The following CPM variants were observed in gnomAD, a reference collection of about 807,000 sequenced individuals.
CPM encodes the protein carboxypeptidase M.
Under a neutral mutation model 46.4 loss-of-function variants are expected in CPM, and 35 were observed. The observed-to-expected ratio is 0.75, with a 90% CI of 0.58 to 1.00. The LOEUF is 1.00. Among genes scored for constraint, CPM ranks in the 50% least tolerant of loss-of-function variants. The pLI, the probability that CPM is intolerant of heterozygous loss-of-function variation, is 0.00. For missense variants in CPM, 422 were observed against 530.4 expected (o/e 0.80, Z 2.01); for synonymous variants, 195 against 195.3 (o/e 1.00, Z 0.01).
chr12:68,869,221 T>C (rs2136229342), intron 6 of CPM, 104 bp downstream of exon 6: 2 of 940,274 alleles, frequency 2.1e-6, no homozygotes, highest in Non-Finnish European at 3.2e-6. Flanking sequence ...GTGAAGGGCC[T>C]ATTGTGCCTA....
At chr12:68,867,674 G>C (rs1426744269) in intron 6 of CPM, among the ~76,000 whole-genome samples, 1 of 152,208 alleles carries the variant, frequency 6.6e-6, no homozygotes, top group Admixed American at 6.5e-5. Flanking sequence ...CCTTCCGCCA[G>C]CACCTGTGGG....
At chr12:68,948,935 A>T (rs1320347483) in intron 1 of CPM, among the ~76,000 whole-genome samples, 1 of 152,186 alleles carries the variant, frequency 6.6e-6, no homozygotes, top group Non-Finnish European at 1.5e-5. Flanking sequence ...AAGTACTCAT[A>T]ACTTGGTGCC....
rs1364968528 is a variant in CPM, at chr12:68,941,203, G to GTGTGTA, written c.-3-8364_-3-8363insTACACA. 9.4e-5 allele frequency among the ~76,000 whole-genome samples: 14 copies of GTGTGTA among 149,544 alleles called. No individual in the cohort carries two copies. The East Asian group carries it at 9.8e-4, about 10-fold the overall frequency. On this transcript the variant is annotated intron_variant, in intron 1 of 8. Transcript: ENST00000546373. ...TGTGTGTGTGTGTGTGTGTGTGTGT[G>GTGTGTA]TATATAAAGCTAACACATCAGCTGA...
At chr12:68,943,049 G>A (rs1888789529) in intron 1 of CPM, among the ~76,000 whole-genome samples, 1 of 152,170 alleles carries the variant, frequency 6.6e-6, no homozygotes, top group African/African-American at 2.4e-5. Flanking sequence ...CTCAGTGCAT[G>A]CTTGCTGATT....
chr12:68,865,638 A>T (rs1885407993), intron 7 of CPM, among the ~76,000 whole-genome samples: 2 of 147,396 alleles, frequency 1.4e-5, no homozygotes, highest in African/African-American at 5.0e-5. Context: ...ACACACTCAC[A>T]CTCTCTCTCT....
Position 68,898,018 on chromosome 12 carries a change from A to ATT in CPM, c.161-12131_161-12130dup, listed in dbSNP as rs34852745. On this transcript the variant is annotated intron_variant, in intron 2 of 8. Transcript: ENST00000551568. ...ACCACTACGCCTGGCTAATTTGTGT[A>ATT]TTTTTTTTTTTTTTTTGTAGAGATG... 4.2e-3 allele frequency among the ~76,000 whole-genome samples: 560 copies of ATT among 134,098 alleles called. 6 individuals are homozygous for ATT. The highest frequency in any genetic ancestry group is 0.015 in the African/African-American group (532 of 36,208). 88.0% of individuals were successfully genotyped at this position (134,098 alleles called of 152,430 possible).
At chr12:68,942,470 A>T (rs1888780231) in intron 1 of CPM, among the ~76,000 whole-genome samples, 1 of 152,222 alleles carries the variant, frequency 6.6e-6, no homozygotes. Context: ...CCGTTATCAC[A>T]CTATTGTCCC....
rs1884965009 is a variant in CPM, at chr12:68,856,283, A to T, written c.*154T>A. On this transcript the variant is annotated 3_prime_UTR_variant, in exon 9 of 9. Coordinates refer to ENST00000551568, the MANE Select transcript of CPM (RefSeq NM_198320.5). The stretch of plus-strand genomic sequence containing the variant: ...TTTTCATTATCACCACATATTGCTT[A>T]TTGTGGAATTTGGAAACATCCATTT... The T allele has an allele frequency of 3.7e-6, 3 of 821,266 alleles. No homozygotes were observed. The highest frequency in any genetic ancestry group is 2.6e-5 in the Admixed American group (1 of 38,770). 50.9% of individuals were successfully genotyped at this position (821,266 alleles called of 1,614,324 possible).
chr12:68,919,706 G>T (rs1263566634), intron 2 of CPM, among the ~76,000 whole-genome samples: 1 of 152,126 alleles, frequency 6.6e-6, no homozygotes, highest in Non-Finnish European at 1.5e-5. Flanking sequence ...TTATCTTTCT[G>T]TTTCTTCATA....
intron 5 of CPM, chr12:68,842,552 T>G (rs1298308828): frequency 2.9e-6 from 1 of 349,858 alleles, no homozygotes; most frequent in Non-Finnish European, 5.6e-6. Flanking sequence ...TATGGATGTT[T>G]GATCGCATCT....
intron 5 of CPM, chr12:68,844,758 G>T (rs961939630): frequency 1.4e-4 from 30 of 207,532 alleles, no homozygotes; most frequent in Non-Finnish European, 2.8e-4. Context: ...CTTAATAAGG[G>T]TTTTATTTTA....
At chr12:68,844,485 A>T in intron 5 of CPM, 2 of 228,208 alleles carry the variant, frequency 8.8e-6, no homozygotes, top group Non-Finnish European at 1.7e-5. Context: ...AATGGTCTAT[A>T]AGGGAGGTAG....
At position 68,854,306 on chromosome 12, in the gene CPM, A is replaced by G. The variant is rs1457934296; in HGVS notation, c.*2131T>C. 1 of 152,226 alleles carries G rather than the reference A, an allele frequency of 6.6e-6. No homozygotes were observed. The highest frequency in any genetic ancestry group is 1.9e-4 in the East Asian group (1 of 5,202). The allele number at this position is 152,226 out of a possible 1,614,324, so 9.4% of individuals were successfully genotyped here. On this transcript the variant is annotated 3_prime_UTR_variant, in exon 9 of 9. Transcript: ENST00000551568. ...TTGTTCATTCATTCATTCAGTACCTACTATGTGCTAGGCTTTGAGGATATA... is the reference window on the plus strand; with the variant it reads ...TTGTTCATTCATTCATTCAGTACCTGCTATGTGCTAGGCTTTGAGGATATA...
At chr12:68,896,724 T>C (rs1886888721) in intron 2 of CPM, among the ~76,000 whole-genome samples, 1 of 152,188 alleles carries the variant, frequency 6.6e-6, no homozygotes, top group Admixed American at 6.5e-5. Context: ...GGTTTCAAGT[T>C]AGATTCTTCC....
chr12:68,940,885 CA>C (rs1888749069), intron 1 of CPM, among the ~76,000 whole-genome samples: 3 of 152,168 alleles, frequency 2.0e-5, no homozygotes, highest in Middle Eastern at 3.4e-3. Context: ...TCTAAGTGTA[CA>C]GTGCAGTTGT....
intron 2 of CPM, among the ~76,000 whole-genome samples, chr12:68,903,858 T>C (rs894221593): frequency 2.1e-5 from 3 of 145,404 alleles, no homozygotes; most frequent in African/African-American, 7.5e-5. Flanking sequence ...CCCTCCCTTC[T>C]TCCCTCCCTC....
At chr12:68,916,315 C>T (rs940144161) in intron 2 of CPM, among the ~76,000 whole-genome samples, 1 of 152,066 alleles carries the variant, frequency 6.6e-6, no homozygotes, top group African/African-American at 2.4e-5. Context: ...TCTGTGTGAT[C>T]TGTGCTCTGT....
intron 2 of CPM, among the ~76,000 whole-genome samples, chr12:68,928,103 C>T (rs1219026655): frequency 1.3e-5 from 2 of 152,224 alleles, no homozygotes; most frequent in Admixed American, 6.5e-5. Context: ...AGGCATCATG[C>T]TACCTGACTT....
At chr12:68,894,132 C>A (rs1159107155) in intron 2 of CPM, among the ~76,000 whole-genome samples, 1 of 152,158 alleles carries the variant, frequency 6.6e-6, no homozygotes, top group Non-Finnish European at 1.5e-5. Flanking sequence ...ACCCTAGTCA[C>A]TCTCTAATCC....
Sources: gnomAD v4.1 joint callset for allele counts (sites outside exome capture counted in the v4.1 genomes callset) on GRCh38, gnomAD v4.1.1 for gene constraint, MANE v1.5 for transcripts, NCBI Gene and HGNC (gene_info 2026-07-23, HGNC 2026-07-21) for gene names.